Variants in EHHADH observed in about 807,000 individuals in gnomAD.
EHHADH encodes enoyl-CoA hydratase and 3-hydroxyacyl CoA dehydrogenase.
EHHADH carries 48 observed loss-of-function variants against 64.4 expected under a neutral mutation model. The ratio of observed to expected loss-of-function variants is 0.75; its 90% CI spans 0.59 to 0.95. The LOEUF is 0.95. Among genes scored for constraint, EHHADH ranks in the 40% least tolerant of loss-of-function variants. The probability of loss-of-function intolerance (pLI) is 0.00; values close to 1 mark genes in which losing one functional copy is unlikely to be tolerated. For missense variants in EHHADH, 854 were observed against 876.6 expected (o/e 0.97, Z 0.33); for synonymous variants, 308 against 326.7 (o/e 0.94, Z 0.62).
Position 185,192,692 on chromosome 3 carries a change from C to T in EHHADH, c.1706G>A (p.Gly569Glu), listed in dbSNP as rs921960977. The change falls in exon 7 of 7, where the codon GGA becomes GAA. Residue 569 changes from glycine to glutamate, a missense_variant. Coordinates refer to ENST00000231887, the MANE Select transcript of EHHADH (RefSeq NM_001966.4). ...CTTACCTGTCTTCTGGCCAAATCGT[C>T]CTAATTCACAGAGCACATCAGGAAT... The part of the protein sequence containing the change: ...CPIPDVLCEL[G>E]RFGQKTGKGW... 2 of 1,614,080 alleles carry T rather than the reference C, an allele frequency of 1.2e-6. No homozygotes were observed. Among genetic ancestry groups the T allele is most frequent in the African/African-American group, 2.7e-5 (2 of 74,924 alleles).
rs773467007 is a variant in EHHADH, at chr3:185,204,448, G to T, written c.878C>A (p.Ser293Ter). 2 of 1,612,692 alleles carry T rather than the reference G, an allele frequency of 1.2e-6. No homozygotes were observed. Among genetic ancestry groups the T allele is most frequent in the South Asian group, 2.2e-5 (2 of 91,018 alleles). The change falls in exon 6 of 7, where the codon TCA becomes TAA. Residue 293 changes from serine to a stop codon, truncating the protein, a stop_gained. Coordinates refer to ENST00000231887, the MANE Select transcript of EHHADH (RefSeq NM_001966.4). LOFTEE classifies it high-confidence loss of function. ...TPSGASWKTASARPVSSVGVV... is the reference protein window; with the variant it reads ...TPSGASWKTA ...ACCAACTGAGGAGACAGGCCGCGCT[G>T]ATGCTGTTTTCCACGATGCTCCGGA...
intron 6 of EHHADH, among the ~76,000 whole-genome samples, chr3:185,198,491 G>A (rs1004598315): frequency 1.3e-5 from 2 of 151,922 alleles, no homozygotes; most frequent in South Asian, 2.1e-4. Flanking sequence ...AAAGTGCTGC[G>A]ATTACAGGGG....
At chr3:185,251,300 G>A (rs1276452984) in intron 1 of EHHADH, among the ~76,000 whole-genome samples, 2 of 151,882 alleles carry the variant, frequency 1.3e-5, no homozygotes, top group Non-Finnish European at 2.9e-5. Context: ...AGAAAAAGAA[G>A]AGATGAGAAA....
intron 4 of EHHADH, among the ~76,000 whole-genome samples, chr3:185,220,595 TGCATA>T (rs1718807533): frequency 6.6e-6 from 1 of 152,226 alleles, no homozygotes; most frequent in Non-Finnish European, 1.5e-5. Context: ...TGTTCAATGA[TGCATA>T]GCTGGACTTT....
chr3:185,247,366 G>A (rs943936317), intron 2 of EHHADH, among the ~76,000 whole-genome samples: 9 of 151,830 alleles, frequency 5.9e-5, no homozygotes, highest in South Asian at 4.2e-4. Context: ...ATGCATCATC[G>A]TCATCATCTT....
chr3:185,253,157 G>A (rs1171379394), intron 1 of EHHADH: 1 of 151,984 alleles, frequency 6.6e-6, no homozygotes, highest in South Asian at 2.1e-4. Flanking sequence ...AACAAATCAG[G>A]AGAAATAATT....
At chr3:185,214,539 T>C (rs1273959004) in intron 5 of EHHADH, among the ~76,000 whole-genome samples, 1 of 152,146 alleles carries the variant, frequency 6.6e-6, no homozygotes, top group African/African-American at 2.4e-5. Context: ...TAGGAAAAGA[T>C]AAATTTTTTT....
At chr3:185,215,047 T>G (rs375344167) in intron 5 of EHHADH, among the ~76,000 whole-genome samples, 1 of 152,300 alleles carries the variant, frequency 6.6e-6, no homozygotes, top group East Asian at 1.9e-4. Context: ...TTAAACTCAG[T>G]CTCACCGTAT....
chr3:185,204,742 G>A lies in EHHADH; in HGVS notation c.584C>T (p.Ser195Phe). The change falls in exon 6 of 7, where the codon TCC becomes TTC. Residue 195 changes from serine to phenylalanine, a missense_variant. Physicochemically the swap from Ser to Phe is radical, Grantham distance 155. Transcript: ENST00000231887. ...AATTGGCTTGTTGCAGAGTCTACGG[G>A]ATTCTAGAGGTTGATCTGAAAGGAA... ...AQRVSDQPLE[S>F]RRLCNKPIQS... The A allele has an allele frequency of 6.2e-7, 1 of 1,605,976 alleles. No homozygotes were observed. The highest frequency in any genetic ancestry group is 1.1e-5 in the South Asian group (1 of 90,494).
rs550233979 is a variant in EHHADH, at chr3:185,213,119, C to CAAAAAAAAAAAAAAAAAAA, written c.568+4998_568+5016dup. On this transcript the variant is annotated intron_variant, in intron 5 of 6. Coordinates refer to ENST00000231887, the MANE Select transcript of EHHADH (RefSeq NM_001966.4). ...TGGGTGAAGAAGCAAGACTCTGTCT[C>CAAAAAAAAAAAAAAAAAAA]AAAAAAAAAAAAAAAAAAAAAAAAA... Among the ~76,000 whole-genome samples, 14 of 43,054 alleles carry CAAAAAAAAAAAAAAAAAAA rather than the reference C, an allele frequency of 3.3e-4. 2 individuals are homozygous for CAAAAAAAAAAAAAAAAAAA. Among genetic ancestry groups the CAAAAAAAAAAAAAAAAAAA allele is most frequent in the East Asian group, 1.3e-3 (1 of 784 alleles). 28.2% of individuals were successfully genotyped at this position (43,054 alleles called of 152,430 possible).
At chr3:185,214,530 A>C (rs998624691) in intron 5 of EHHADH, among the ~76,000 whole-genome samples, 2 of 152,180 alleles carry the variant, frequency 1.3e-5, no homozygotes, top group African/African-American at 4.8e-5. Context: ...CTTAGATATT[A>C]GGAAAAGATA....
At chr3:185,247,350 C>A (rs1041372552) in intron 2 of EHHADH, among the ~76,000 whole-genome samples, 1 of 152,058 alleles carries the variant, frequency 6.6e-6, no homozygotes, top group Non-Finnish European at 1.5e-5. Context: ...TCTGAGCACT[C>A]TTCCCATGCA....
At chr3:185,199,560 T>C (rs1718168389) in intron 6 of EHHADH, among the ~76,000 whole-genome samples, 1 of 152,216 alleles carries the variant, frequency 6.6e-6, no homozygotes, top group African/African-American at 2.4e-5. Flanking sequence ...CCACTGCCGA[T>C]TTTTGCACTG....
In EHHADH at chr3:185,193,417, G is replaced by C. The variant is rs1490035131; in HGVS notation, c.981C>G (p.Asp327Glu). ...ARARIPVIAV[D>E]SDKNQLATAN... The stretch of plus-strand genomic sequence containing the variant: ...CAGTTGCTAGCTGGTTTTTGTCCGA[G>C]TCTACAGCAATCACAGGAATCCTGG... Residue 327 changes from aspartate to glutamate, a missense_variant, in exon 7 of 7, where the codon GAC becomes GAG. Asp to Glu is a conservative substitution (Grantham distance 45). Coordinates refer to ENST00000231887, the MANE Select transcript of EHHADH (RefSeq NM_001966.4). 1.9e-6 allele frequency: 3 copies of C among 1,614,086 alleles called. No homozygotes were observed. Among genetic ancestry groups the C allele is most frequent in the East Asian group, 4.5e-5 (2 of 44,900 alleles).
rs1718933334 is a variant in EHHADH at position 185,224,917 on chromosome 3, T to G, written c.463+4515A>C. ...CCAGGGTAATCTCCCTCTCAAGATC[T>G]TTAATGTAATCACACGTACAAAGGT... is the stretch of plus-strand genomic sequence containing the variant. On this transcript the variant is annotated intron_variant, in intron 4 of 6. Transcript: ENST00000231887. Among the ~76,000 whole-genome samples the G allele has an allele frequency of 2.6e-5, 4 of 152,328 alleles. No individual in the cohort carries two copies. The South Asian group carries it at 8.3e-4, about 32-fold the overall frequency.
intron 2 of EHHADH, among the ~76,000 whole-genome samples, chr3:185,239,365 GT>G (rs760719308): frequency 1.3e-5 from 2 of 151,992 alleles, no homozygotes; most frequent in African/African-American, 2.4e-5. Flanking sequence ...TCTGTATATT[GT>G]TTTGGGCAGT....
At chr3:185,222,223 T>TA (rs1476035449) in intron 4 of EHHADH, among the ~76,000 whole-genome samples, 1 of 151,808 alleles carries the variant, frequency 6.6e-6, no homozygotes, top group Admixed American at 6.6e-5. Context: ...CTGTTTCTAC[T>TA]AAAAATACAA....
At position 185,192,747 on chromosome 3, in the gene EHHADH, G is replaced by A. The variant is rs138388673; in HGVS notation, c.1651C>T (p.Arg551Ter). The A allele has an allele frequency of 3.4e-4, 544 of 1,613,546 alleles. 2 individuals carry two copies. Among genetic ancestry groups the A allele is most frequent in the South Asian group, 1.4e-3 (132 of 91,044 alleles). The change falls in exon 7 of 7, where the codon CGA (arginine) becomes TGA (stop). Residue 551 changes from arginine to a stop codon, truncating the protein, a stop_gained. Coordinates refer to ENST00000231887, the MANE Select transcript of EHHADH (RefSeq NM_001966.4). LOFTEE classifies it high-confidence loss of function. ...CAGTACCTCCTATTACCCCTTTTTC[G>A]GGCAGGAGTTCCTGGAAGCAATGTA... is the stretch of plus-strand genomic sequence containing the variant. ...GPTLLPGTPA[R>*]KRGNRRYCPI...
At chr3:185,201,409 G>C (rs1240502456) in intron 6 of EHHADH, among the ~76,000 whole-genome samples, 2 of 152,194 alleles carry the variant, frequency 1.3e-5, no homozygotes, top group African/African-American at 4.8e-5. Flanking sequence ...GGACCACAAA[G>C]GACAGTGTCC....
Sources: gnomAD v4.1 joint callset for allele counts (sites outside exome capture counted in the v4.1 genomes callset) on GRCh38, gnomAD v4.1.1 for gene constraint, MANE v1.5 for transcripts, NCBI Gene and HGNC (gene_info 2026-07-23, HGNC 2026-07-21) for gene names.